The following CYP4F11 variants were observed in gnomAD, a reference collection of about 807,000 sequenced individuals.
The protein encoded by CYP4F11 is cytochrome P450 4F11.
Under a neutral mutation model 62.2 loss-of-function variants are expected in CYP4F11, and 79 were observed. The ratio of observed to expected loss-of-function variants is 1.27; its 90% CI spans 1.06 to 1.53. The LOEUF (loss-of-function observed/expected upper bound fraction) is 1.53, where lower values mean the gene tolerates loss of function less well. CYP4F11 is among the 40% of genes most tolerant of loss of function. The pLI, the probability that CYP4F11 is intolerant of heterozygous loss-of-function variation, is 0.00. For synonymous variants in CYP4F11, 290 were observed against 263.7 expected (o/e 1.10, Z -0.97); for missense variants, 777 against 680.5 (o/e 1.14, Z -1.58).
At chr19:15,914,485 G>T in intron 10 of CYP4F11, 98 bp from the exon 11 acceptor site, 2 of 1,543,704 alleles carry the variant, frequency 1.3e-6, no homozygotes, top group Non-Finnish European at 8.9e-7. Flanking sequence ...GAGACATTTT[G>T]GCAGATGTGT....
At chr19:15,934,672 A>T, upstream of CYP4F11, 1 of 408,878 alleles carries the variant, frequency 2.4e-6, no homozygotes, top group East Asian at 5.5e-5. Flanking sequence ...AATCACTGGG[A>T]GGTTGCCAGG....
At chr19:15,931,365 G>C (rs566840627) in intron 1 of CYP4F11, among the ~76,000 whole-genome samples, 1 of 151,988 alleles carries the variant, frequency 6.6e-6, no homozygotes, top group East Asian at 1.9e-4. Flanking sequence ...TCCAGCAGTG[G>C]AGAAGGTGCA....
In CYP4F11 at chr19:15,927,310, T is replaced by C. The variant is rs11553652; in HGVS notation, c.427A>G (p.Lys143Glu). ...GDGLLLSGGD[K>E]WSRHRRMLTP... ...AACATCCGACGGTGGCGGCTCCACT[T>C]GTCACCACCACTCAGCAGGAGCCCA... is the stretch of plus-strand genomic sequence containing the variant. The change falls in exon 4 of 12, where the codon AAG (lysine) becomes GAG (glutamate). Residue 143 changes from lysine (K) to glutamate (E), a missense_variant. Physicochemically the swap from Lys to Glu is moderately conservative, Grantham distance 56 (BLOSUM62 1). Transcript: ENST00000402119. The C allele has an allele frequency of 6.2e-7, 1 of 1,614,150 alleles. No homozygotes were observed. Among genetic ancestry groups the C allele is most frequent in the East Asian group, 2.2e-5 (1 of 44,880 alleles).
rs532957259 is a variant in CYP4F11, at chr19:15,919,796, A to G, written c.1115+2241T>C. Among the ~76,000 whole-genome samples, 3 of 152,344 alleles carry G rather than the reference A, an allele frequency of 2.0e-5. 1 individual carries two copies. In the South Asian group the frequency reaches 6.2e-4, roughly 32 times the overall value. On this transcript the variant is annotated intron_variant, in intron 8 of 11. Coordinates refer to ENST00000402119, the MANE Select transcript of CYP4F11 (RefSeq NM_021187.4). ...GACAATATGGATGATTCTGGAGGACATTATGCTAAGTGAAATAAGCCAGGC... is the reference window on the plus strand; with the variant it reads ...GACAATATGGATGATTCTGGAGGACGTTATGCTAAGTGAAATAAGCCAGGC...
intron 6 of CYP4F11, among the ~76,000 whole-genome samples, chr19:15,923,059 A>C (rs1463689222): frequency 6.6e-6 from 1 of 152,218 alleles, no homozygotes; most frequent in Non-Finnish European, 1.5e-5. Flanking sequence ...CTCAAAAAAA[A>C]TGAAAGAAAG....
chr19:15,913,758 C>G lies in CYP4F11; in HGVS notation c.1549G>C (p.Glu517Gln), dbSNP rs748317660. The change falls in exon 12 of 12, where the codon GAG (glutamate) becomes CAG (glutamine). Residue 517 changes from glutamate (E) to glutamine (Q), a missense_variant. Transcript: ENST00000402119. Reference protein sequence around the residue: ...RAEGGLWLRVEPLGANSQ With the variant: ...RAEGGLWLRVQPLGANSQ ...CACTGTGAGTTCGCACCCAGGGGCT[C>G]CACCCGCAGCCAAAGTCCACCCTCT... The G allele has an allele frequency of 1.9e-6, 3 of 1,614,176 alleles. No homozygotes were observed. Among genetic ancestry groups the G allele is most frequent in the Admixed American group, 1.7e-5 (1 of 60,020 alleles).
At chr19:15,934,122 C>A in intron 1 of CYP4F11, 89 bp downstream of exon 1, 1 of 1,456,920 alleles carries the variant, frequency 6.9e-7, no homozygotes, top group South Asian at 1.2e-5. Context: ...CCCAGCCACC[C>A]TCAAAACCCA....
chr19:15,916,370 G>T (rs753444462), intron 8 of CYP4F11, among the ~76,000 whole-genome samples: 4 of 152,122 alleles, frequency 2.6e-5, no homozygotes, highest in Non-Finnish European at 5.9e-5. Flanking sequence ...CTTAGGCAAA[G>T]AATGCATGAC....
Position 15,912,668 on chromosome 19 carries a change from G to GAAAAA in CYP4F11, c.*1059_*1063dup, listed in dbSNP as rs71178625. 8.4e-5 allele frequency: 5 copies of GAAAAA among 59,764 alleles called. No individual in the cohort carries two copies. The highest frequency in any genetic ancestry group is 3.8e-4 in the African/African-American group (5 of 13,258). 3.7% of individuals were successfully genotyped at this position (59,764 alleles called of 1,614,324 possible). On this transcript the variant is annotated 3_prime_UTR_variant, in exon 12 of 12. Transcript: ENST00000402119. ...AGTCAGGTACCTTCACCATCCTCAG[G>GAAAAA]AAAAAAAAAAAAATATATATATATA...
intron 8 of CYP4F11, among the ~76,000 whole-genome samples, chr19:15,919,208 C>T (rs982215581): frequency 6.8e-6 from 1 of 146,118 alleles, no homozygotes; most frequent in Non-Finnish European, 1.5e-5. Context: ...TCATTGACTC[C>T]TAATTATTAA....
intron 8 of CYP4F11, among the ~76,000 whole-genome samples, chr19:15,920,769 T>C (rs562782880): frequency 1.5e-4 from 23 of 152,238 alleles, no homozygotes; most frequent in African/African-American, 5.1e-4. Flanking sequence ...GCCCTTGAGT[T>C]AAAATTGAAG....
chr19:15,919,465 CA>C (rs1281096634), intron 8 of CYP4F11, among the ~76,000 whole-genome samples: 1 of 127,150 alleles, frequency 7.9e-6, no homozygotes, highest in Admixed American at 8.3e-5. Flanking sequence ...AACGGATGGA[CA>C]GATGTATAGA....
intron 5 of CYP4F11, 72 bp from the exon 6 acceptor site, chr19:15,924,154 C>A: frequency 6.5e-7 from 1 of 1,540,316 alleles, no homozygotes; most frequent in African/African-American, 1.4e-5. Context: ...CTAGAAGCTA[C>A]TGCCCATCAG....
rs750880690 is a variant in CYP4F11, at chr19:15,927,434, C to G, written c.393G>C (p.Trp131Cys). 8 of 1,614,158 alleles carry G rather than the reference C, an allele frequency of 5.0e-6. No individual in the cohort carries two copies. The highest frequency in any genetic ancestry group is 1.7e-4 in the Middle Eastern group (1 of 6,060). ...DMIFYGFLKP[W>C]LGDGLLLSGG... ...CCATTCACCTCAATTACTCACCCAG[C>G]CAGGGCTTCAGGAAGCCATAGAAAA... Residue 131 changes from tryptophan (W) to cysteine (C), a missense_variant, in exon 3 of 12, where the codon TGG becomes TGC. Trp to Cys is a radical substitution (Grantham distance 215). Coordinates refer to ENST00000402119, the MANE Select transcript of CYP4F11 (RefSeq NM_021187.4).
chr19:15,934,054 GAGTGAGTGGGCAGAGGAA>G (rs2089754905), intron 1 of CYP4F11, among the ~76,000 whole-genome samples, 139 bp downstream of exon 1: 7 of 141,170 alleles, frequency 5.0e-5, no homozygotes, highest in South Asian at 2.2e-4. Context: ...GGAGAGGAAT[GAGTGAGTGGGCAGAGGAA>G]TGAGTGAGCT....
chr19:15,919,509 TAGATAGATAGATAGAC>T, intron 8 of CYP4F11, among the ~76,000 whole-genome samples: 1 of 148,966 alleles, frequency 6.7e-6, no homozygotes, highest in Middle Eastern at 3.4e-3. Flanking sequence ...GATAGATAGA[TAGATAGATAGATAGAC>T]AGATAGATAA....
At chr19:15,930,340 C>A (rs11670222) in intron 1 of CYP4F11, among the ~76,000 whole-genome samples, 2 of 152,030 alleles carry the variant, frequency 1.3e-5, no homozygotes, top group Admixed American at 6.5e-5. Context: ...CCTGTAATCC[C>A]AGCACTTTGG....
At chr19:15,924,714 C>A (rs539294202) in intron 5 of CYP4F11, 47 bp downstream of exon 5, 32 of 1,592,622 alleles carry the variant, frequency 2.0e-5, no homozygotes, top group Non-Finnish European at 2.7e-5. Flanking sequence ...CCAGCCTACT[C>A]CCTTGGGTTC....
rs933587023 is a variant in CYP4F11 at position 15,929,501 on chromosome 19, A to G, written c.299T>C (p.Ile100Thr). The G allele has an allele frequency of 2.5e-6, 4 of 1,614,146 alleles. No individual in the cohort carries two copies. Among genetic ancestry groups the G allele is most frequent in the Non-Finnish European group, 3.4e-6 (4 of 1,180,022 alleles). The change falls in exon 2 of 12, where the codon ATT (isoleucine) becomes ACT (threonine). Residue 100 changes from isoleucine to threonine, a missense_variant. Transcript: ENST00000402119. The stretch of plus-strand genomic sequence containing the variant: ...CCGGATAATGTCAGGGTGGCATAAA[A>G]TGAGGAGGGGGAAGGTAGGACCCAG... ...LWLGPTFPLL[I>T]LCHPDIIRPI...
Sources: gnomAD v4.1 joint callset for allele counts (sites outside exome capture counted in the v4.1 genomes callset) on GRCh38, gnomAD v4.1.1 for gene constraint, MANE v1.5 for transcripts, NCBI Gene and HGNC (gene_info 2026-07-23, HGNC 2026-07-21) for gene names.